PIAS4: variants seen among roughly 807,000 people sequenced by gnomAD.
The protein encoded by PIAS4 is E3 SUMO-protein ligase PIAS4.
Under a neutral mutation model 58.0 loss-of-function variants are expected in PIAS4, and 7 were observed. The observed-to-expected ratio is 0.12, with a 90% CI of 0.07 to 0.23. The LOEUF is 0.23. PIAS4 is among the 10% of genes least tolerant of loss of function. The pLI, the probability that PIAS4 is intolerant of heterozygous loss-of-function variation, is 1.00. For synonymous variants in PIAS4, 364 were observed against 312.4 expected (o/e 1.17, Z -1.74); for missense variants, 550 against 709.5 (o/e 0.78, Z 2.55).
In PIAS4 at chr19:4,038,290, C is replaced by G. The variant is rs1028551331; in HGVS notation, c.*415C>G. ...AGCCAGTGCGCGGGGACCCGGGCGG[C>G]GGGCGGTGGGGCGCAGCCCCTCTCT... On this transcript the variant is annotated 3_prime_UTR_variant, in exon 11 of 11. Transcript: ENST00000262971. This position sits in a 1 kb window ranked among gnomAD's most constrained non-coding sequence, Gnocchi z 4.1. The G allele has an allele frequency of 6.5e-6, 1 of 153,286 alleles. No individual in the cohort carries two copies. The highest frequency in any genetic ancestry group is 1.4e-5 in the Non-Finnish European group (1 of 69,052). The allele number at this position is 153,286 out of a possible 1,614,324, so 9.5% of individuals were successfully genotyped here. A position where few individuals can be genotyped will look rare whatever the true frequency, so the allele number is the denominator to read the frequency against.
At position 4,037,357 on chromosome 19, in the gene PIAS4, T is replaced by G; in HGVS notation, c.1143-17T>G. 1.3e-6 allele frequency: 2 copies of G among 1,593,766 alleles called. No homozygotes were observed. The highest frequency in any genetic ancestry group is 2.3e-5 in the East Asian group (1 of 44,418). ...GGGCACCTCCAGCCCCGGCGTCAGC[T>G]GTCCGCCTCGCCCCAGGCTCCTCTC... On this transcript the variant is annotated splice_polypyrimidine_tract_variant and intron_variant, in intron 9 of 10. Transcript: ENST00000262971. The surrounding 1 kb of genome is among the most constrained non-coding windows in gnomAD (Gnocchi z 5.8).
Position 4,028,806 on chromosome 19 carries a change from G to T in PIAS4, c.759G>T (p.Ser253=), listed in dbSNP as rs1327821146. Residue 253 remains serine, a synonymous_variant, in exon 6 of 11, where the codon TCG becomes TCT. Transcript: ENST00000262971. ...INLTHLMYLS[S]ATNRITVTWG... ...TCACCCACCTCATGTACCTGTCCTC[G>T]GCCACCAACCGCATCACTGTCACCT... is the stretch of plus-strand genomic sequence containing the variant. 1.2e-6 allele frequency: 2 copies of T among 1,613,526 alleles called. No homozygotes were observed. The highest frequency in any genetic ancestry group is 1.7e-6 in the Non-Finnish European group (2 of 1,179,924).
rs1036055854 is a variant in PIAS4 at position 4,013,463 on chromosome 19, G to T, written c.454+114G>T. On this transcript the variant is annotated intron_variant, in intron 2 of 10. Coordinates refer to ENST00000262971, the MANE Select transcript of PIAS4 (RefSeq NM_015897.4). The surrounding 1 kb of genome is among the most constrained non-coding windows in gnomAD (Gnocchi z 5.1). ...TGATGTTCTCTGTGGCGCAGCCAGGGCGGGGAGCCACAGTGGCCAGGGGTG... is the reference window on the plus strand; with the variant it reads ...TGATGTTCTCTGTGGCGCAGCCAGGTCGGGGAGCCACAGTGGCCAGGGGTG... The T allele has an allele frequency of 6.5e-5, 62 of 958,296 alleles. No homozygotes were observed. In the Admixed American group the frequency reaches 1.5e-3, roughly 23 times the overall value. The allele number at this position is 958,296 out of a possible 1,614,324, so 59.4% of individuals were successfully genotyped here.
At chr19:4,028,086 G>A (rs2144929281) in intron 3 of PIAS4, 60 bp from the exon 4 acceptor site, 3 of 1,535,938 alleles carry the variant, frequency 2.0e-6, no homozygotes, top group South Asian at 2.2e-5. Context: ...GGTGGGCTGG[G>A]GTCACGCCCT....
chr19:4,011,531 G>T (rs985976233), intron 1 of PIAS4, among the ~76,000 whole-genome samples: 5 of 152,376 alleles, frequency 3.3e-5, no homozygotes, highest in Middle Eastern at 3.4e-3. Flanking sequence ...GCCAGGTCCT[G>T]CCAAGCCTCA....
Position 4,038,070 on chromosome 19 carries a change from CAAAA to C in PIAS4, c.*199_*202del, listed in dbSNP as rs2040320891. Reference sequence around the variant, plus strand: ...GGGATTAAAAAAAAAAGTAAAATGACAAAAAAAGATACAAAAAAGAAAAATGAAA... The same window carrying C: ...GGGATTAAAAAAAAAAGTAAAATGACAAAGATACAAAAAAGAAAAATGAAA... On this transcript the variant is annotated 3_prime_UTR_variant, in exon 11 of 11. Coordinates refer to ENST00000262971, the MANE Select transcript of PIAS4 (RefSeq NM_015897.4). The surrounding 1 kb of genome is among the most constrained non-coding windows in gnomAD (Gnocchi z 4.1). 1.5e-5 allele frequency: 8 copies of C among 537,498 alleles called. No homozygotes were observed. Among genetic ancestry groups the C allele is most frequent in the Non-Finnish European group, 2.5e-5 (8 of 319,386 alleles). 33.3% of individuals were successfully genotyped at this position (537,498 alleles called of 1,614,324 possible).
intron 2 of PIAS4, 131 bp from the exon 3 acceptor site, chr19:4,023,905 C>T (rs1472979116): frequency 2.3e-5 from 16 of 689,594 alleles, no homozygotes; most frequent in Non-Finnish European, 4.2e-5. Flanking sequence ...CCACCTCTGC[C>T]CCACATATCT....
At chr19:4,033,034 C>T (rs569626135) in intron 7 of PIAS4, 66 bp from the exon 8 acceptor site, 12 of 1,314,122 alleles carry the variant, frequency 9.1e-6, no homozygotes, top group East Asian at 4.7e-5. Flanking sequence ...GGAGAGAACT[C>T]GAATCACAGC....
intron 3 of PIAS4, among the ~76,000 whole-genome samples, chr19:4,026,073 CAAA>C (rs34554020): frequency 1.4e-4 from 11 of 76,794 alleles, no homozygotes; most frequent in African/African-American, 3.0e-4. Context: ...GACTCCGTCT[CAAA>C]AAAAAAAAAA....
chr19:4,018,300 G>A (rs1014914493), intron 2 of PIAS4: 4 of 152,306 alleles, frequency 2.6e-5, no homozygotes, highest in African/African-American at 7.2e-5. Context: ...TTGTAGGAAT[G>A]TGTGGCTGTG....
At chr19:4,023,439 G>A (rs1382444231) in intron 2 of PIAS4, among the ~76,000 whole-genome samples, 3 of 152,172 alleles carry the variant, frequency 2.0e-5, no homozygotes, top group African/African-American at 4.8e-5. Context: ...CAGCCTGGGC[G>A]ACAGGGTAAA....
At chr19:4,022,444 G>T (rs2040119555) in intron 2 of PIAS4, among the ~76,000 whole-genome samples, 1 of 151,994 alleles carries the variant, frequency 6.6e-6, no homozygotes, top group Non-Finnish European at 1.5e-5. Flanking sequence ...TCGCCTCCCT[G>T]CAAGCTCCGC....
In PIAS4 at chr19:4,013,060, C is replaced by G. The variant is rs1435055319; in HGVS notation, c.165C>G (p.Phe55Leu). 1.2e-6 allele frequency: 2 copies of G among 1,613,460 alleles called. No homozygotes were observed. The highest frequency in any genetic ancestry group is 1.7e-6 in the Non-Finnish European group (2 of 1,179,984). The change falls in exon 2 of 11, where the codon TTC becomes TTG. Residue 55 changes from phenylalanine (F) to leucine (L), a missense_variant. Phe to Leu is a conservative substitution (Grantham distance 22). This residue lies in a region of PIAS4 where 42 missense variants were observed against 84.3 expected (regional missense o/e 0.50). Coordinates refer to ENST00000262971, the MANE Select transcript of PIAS4 (RefSeq NM_015897.4). This position sits in a 1 kb window ranked among gnomAD's most constrained non-coding sequence, Gnocchi z 5.1. ...AGTTTGACTGTAGCCCTGAGCTGTT[C>G]AAGAAGATCAAGGAGCTGTACGAGA... ...LVQFDCSPEL[F>L]KKIKELYETR...
At chr19:4,014,336 A>T (rs553270896) in intron 2 of PIAS4, among the ~76,000 whole-genome samples, 3 of 152,222 alleles carry the variant, frequency 2.0e-5, no homozygotes, top group Middle Eastern at 3.4e-3. Flanking sequence ...GCAGGTGGGC[A>T]TTGAGCCCAG....
intron 2 of PIAS4, among the ~76,000 whole-genome samples, chr19:4,015,681 G>T (rs1446969227): frequency 6.6e-6 from 1 of 152,170 alleles, no homozygotes; most frequent in Non-Finnish European, 1.5e-5. Flanking sequence ...CCTCCCCAGG[G>T]TGCACTCTGT....
rs145626990 is a variant in PIAS4 at position 4,028,179 on chromosome 19, C to T, written c.573C>T (p.Val191=). ...AGCCCGGAGTTAAAGCCGTGCAGGT[C>T]GTCCTGAGGTATGCCCAGGTGTGCC... ...ELQPGVKAVQ[V]VLRICYSDTS... The change falls in exon 4 of 11, where the codon GTC becomes GTT. Residue 191 remains valine, a synonymous_variant. Transcript: ENST00000262971. 39 of 1,612,472 alleles carry T rather than the reference C, an allele frequency of 2.4e-5. No individual in the cohort carries two copies. The highest frequency in any genetic ancestry group is 1.2e-4 in the African/African-American group (9 of 74,972).
chr19:4,008,608 G>A (rs764453634), intron 1 of PIAS4, among the ~76,000 whole-genome samples: 1 of 151,940 alleles, frequency 6.6e-6, no homozygotes, highest in South Asian at 2.1e-4. Flanking sequence ...TTAAATCCTG[G>A]ACTGTGCTTT....
intron 7 of PIAS4, among the ~76,000 whole-genome samples, chr19:4,032,363 G>T (rs2040230561): frequency 6.6e-6 from 1 of 152,118 alleles, no homozygotes. Flanking sequence ...GCCCCCCATG[G>T]CCCAGGGCTG....
intron 1 of PIAS4, among the ~76,000 whole-genome samples, chr19:4,008,620 G>T (rs1225164427): frequency 6.6e-6 from 1 of 151,878 alleles, no homozygotes; most frequent in African/African-American, 2.4e-5. Context: ...CTGTGCTTTG[G>T]TCCTACCTCG....
Sources: allele counts gnomAD v4.1 joint callset (sites outside exome capture counted in the v4.1 genomes callset), GRCh38; gene constraint gnomAD v4.1.1; regional missense constraint gnomAD v4.1.1; non-coding constraint Gnocchi (gnomAD v3.1); transcripts MANE v1.5; gene names NCBI Gene and HGNC (gene_info 2026-07-23, HGNC 2026-07-21).